CNIH3: variants seen among roughly 807,000 people sequenced by gnomAD.
The protein encoded by CNIH3 is cornichon family AMPA receptor auxiliary protein 3.
Under a neutral mutation model 24.1 loss-of-function variants are expected in CNIH3, and 14 were observed. The observed-to-expected ratio is 0.58, with a 90% CI of 0.38 to 0.91. The LOEUF (loss-of-function observed/expected upper bound fraction) is 0.91, where lower values mean the gene tolerates loss of function less well. Among genes scored for constraint, CNIH3 ranks in the 40% least tolerant of loss-of-function variants. The pLI, the probability that CNIH3 is intolerant of heterozygous loss-of-function variation, is 0.00. For synonymous variants in CNIH3, 68 were observed against 73.8 expected, an observed-to-expected ratio of 0.92 and a Z score of 0.40; for missense variants, 178 against 196.8, an observed-to-expected ratio of 0.90 and a Z score of 0.57.
intron 1 of CNIH3, among the ~76,000 whole-genome samples, chr1:224,496,845 CTA>C (rs1443150664): frequency 1.3e-5 from 2 of 152,162 alleles, no homozygotes; most frequent in African/African-American, 4.8e-5. Flanking sequence ...TTAGACTTAC[CTA>C]TGTTTTCAGA....
At chr1:224,707,762 G>C (rs960365333) in intron 3 of CNIH3, among the ~76,000 whole-genome samples, 1 of 152,222 alleles carries the variant, frequency 6.6e-6, no homozygotes, top group Non-Finnish European at 1.5e-5. Context: ...CGGCTGTCAA[G>C]TTCAGACCTG....
chr1:224,733,468 G>A (rs761943684), intron 4 of CNIH3, among the ~76,000 whole-genome samples: 7 of 152,226 alleles, frequency 4.6e-5, no homozygotes, highest in Non-Finnish European at 8.8e-5. Flanking sequence ...AGTTGTCATC[G>A]AATCTGGCTT....
chr1:224,724,256 G>A (rs531286889), intron 3 of CNIH3, among the ~76,000 whole-genome samples: 19 of 152,286 alleles, frequency 1.2e-4, no homozygotes, highest in East Asian at 5.8e-4. Flanking sequence ...CCCAGCTGGC[G>A]GAGTGTTCCT....
chr1:224,629,068 G>A lies in CNIH3; in HGVS notation c.81+11813G>A, dbSNP rs528422242. On this transcript the variant is annotated intron_variant, in intron 1 of 5. Coordinates refer to ENST00000272133, the MANE Select transcript of CNIH3 (RefSeq NM_152495.2). ...GTCACCCAGGCTGGAGTGCAGTGGC[G>A]TGATCTCGGCTCACTGCAACCTCTG... Among the ~76,000 whole-genome samples the A allele has an allele frequency of 1.1e-4, 17 of 151,180 alleles. 2 individuals are homozygous for A. In the East Asian group the frequency reaches 2.6e-3, roughly 23 times the overall value.
intron 1 of CNIH3, among the ~76,000 whole-genome samples, chr1:224,473,334 A>AT (rs34549904): frequency 0.84 from 126,901 of 151,944 alleles, 53,368 homozygotes; most frequent in East Asian, 0.97. Context: ...CTTATCAATA[A>AT]AATAAGTAAT....
At chr1:224,613,445 C>T (rs1023622919), upstream of CNIH3, among the ~76,000 whole-genome samples, 13 of 152,332 alleles carry the variant, frequency 8.5e-5, no homozygotes, top group South Asian at 1.7e-3. Flanking sequence ...AGAAGGGCCT[C>T]ATGCTTGGCT....
At chr1:224,441,492 A>G (rs1307523568) in intron 1 of CNIH3, among the ~76,000 whole-genome samples, 2 of 152,238 alleles carry the variant, frequency 1.3e-5, no homozygotes, top group Non-Finnish European at 2.9e-5. Context: ...GAGTCCCTGC[A>G]TAGACTCTAA....
At chr1:224,554,227 T>C (rs1680042645) in intron 3 of CNIH3, among the ~76,000 whole-genome samples, 1 of 152,156 alleles carries the variant, frequency 6.6e-6, no homozygotes, top group African/African-American at 2.4e-5. Flanking sequence ...AGGAGGAAAC[T>C]TGTTGAAGAA....
At chr1:224,614,267 G>A (rs970211895), upstream of CNIH3, among the ~76,000 whole-genome samples, 2 of 152,156 alleles carry the variant, frequency 1.3e-5, no homozygotes, top group Admixed American at 1.3e-4. Context: ...TATGTAGCCG[G>A]TCCTGACCCA....
At chr1:224,520,508 A>T (rs534308922) in intron 1 of CNIH3, among the ~76,000 whole-genome samples, 15 of 152,342 alleles carry the variant, frequency 9.8e-5, no homozygotes, top group African/African-American at 3.6e-4. Flanking sequence ...TCACATAGAG[A>T]TATGTAAGAG....
At chr1:224,550,165 A>T (rs901758433) in intron 3 of CNIH3, among the ~76,000 whole-genome samples, 7 of 152,210 alleles carry the variant, frequency 4.6e-5, no homozygotes, top group Non-Finnish European at 7.4e-5. Flanking sequence ...TAAACACAGG[A>T]TATTTTAGAA....
At chr1:224,714,953 A>G (rs1305879221) in intron 3 of CNIH3, among the ~76,000 whole-genome samples, 2 of 152,220 alleles carry the variant, frequency 1.3e-5, no homozygotes, top group Non-Finnish European at 2.9e-5. Flanking sequence ...TTACGTAGTA[A>G]GGAACAGGAT....
chr1:224,716,925 A>G (rs767794702), intron 3 of CNIH3, among the ~76,000 whole-genome samples: 13 of 152,198 alleles, frequency 8.5e-5, no homozygotes, highest in Admixed American at 2.0e-4. Context: ...CCACTGGAGA[A>G]AGGGGAGCCC....
intron 3 of CNIH3, among the ~76,000 whole-genome samples, chr1:224,698,226 A>G (rs901405638): frequency 6.6e-6 from 1 of 152,244 alleles, no homozygotes; most frequent in Admixed American, 6.5e-5. Context: ...TGTGCTATAC[A>G]AATGCAAAGT....
chr1:224,729,227 A>G (rs1054621825), intron 3 of CNIH3, among the ~76,000 whole-genome samples: 2 of 152,040 alleles, frequency 1.3e-5, no homozygotes, highest in Non-Finnish European at 2.9e-5. Context: ...TCTAGCCAAC[A>G]TGGTGAAACC....
chr1:224,612,889 T>C (rs1682763777), upstream of CNIH3, among the ~76,000 whole-genome samples: 1 of 152,348 alleles, frequency 6.6e-6, no homozygotes, highest in South Asian at 2.1e-4. The surrounding 1 kb of genome is among the most constrained non-coding windows in gnomAD (Gnocchi z 4.7). Context: ...AAATGATCTA[T>C]ATAAAATAAA....
chr1:224,585,426 C>T (rs1017445508), intron 5 of CNIH3, among the ~76,000 whole-genome samples: 2 of 152,138 alleles, frequency 1.3e-5, no homozygotes, highest in East Asian at 1.9e-4. Context: ...ATATCCTACA[C>T]GTGCCCAGTA....
upstream of CNIH3, among the ~76,000 whole-genome samples, chr1:224,513,391 G>C (rs1490378625): frequency 6.6e-6 from 1 of 150,876 alleles, no homozygotes; most frequent in African/African-American, 2.4e-5. Flanking sequence ...TGTTGCTCAG[G>C]CTGGTCTCGA....
intron 3 of CNIH3, among the ~76,000 whole-genome samples, chr1:224,721,214 A>G (rs139269577): frequency 2.1e-3 from 324 of 152,200 alleles, no homozygotes; most frequent in African/African-American, 7.3e-3. Flanking sequence ...CTTCTAATAA[A>G]TATTTGCTGA....
Sources: gnomAD v4.1 joint callset for allele counts (sites outside exome capture counted in the v4.1 genomes callset) on GRCh38, gnomAD v4.1.1 for gene constraint, Gnocchi (gnomAD v3.1) non-coding constraint, MANE v1.5 for transcripts, NCBI Gene and HGNC (gene_info 2026-07-23, HGNC 2026-07-21) for gene names.